The following CLCN3 variants were observed in gnomAD, a reference collection of about 807,000 sequenced individuals.
CLCN3 encodes H(+)/Cl(-) exchange transporter 3.
Under a neutral mutation model 83.4 loss-of-function variants are expected in CLCN3, and 16 were observed. The ratio of observed to expected loss-of-function variants is 0.19; its 90% CI spans 0.13 to 0.29. CLCN3 has a LOEUF of 0.29. Ranked by LOEUF, CLCN3 falls within the 10% of genes least tolerant of loss-of-function variation. The pLI is 1.00. For synonymous variants in CLCN3, 322 were observed against 346.2 expected, an observed-to-expected ratio of 0.93 and a Z score of 0.78; for missense variants, 544 against 1,006.0, an observed-to-expected ratio of 0.54 and a Z score of 6.21.
chr4:169,713,416 G>C, intron 12 of CLCN3, 121 bp downstream of exon 12: 1 of 694,700 alleles, frequency 1.4e-6, no homozygotes. Context: ...TCTGTCCTAT[G>C]GTATAGTCAC....
intron 2 of CLCN3, among the ~76,000 whole-genome samples, chr4:169,637,455 C>T (rs1327464449): frequency 6.6e-6 from 1 of 151,954 alleles, no homozygotes; most frequent in Non-Finnish European, 1.5e-5. Context: ...GAGTTTGAGA[C>T]CAACCTGGGC....
chr4:169,694,794 A>C (rs1209456759), intron 7 of CLCN3, among the ~76,000 whole-genome samples: 1 of 152,144 alleles, frequency 6.6e-6, no homozygotes, highest in Non-Finnish European at 1.5e-5. Context: ...AGCTGAGACG[A>C]CGCCATTGCA....
chr4:169,632,078 C>T (rs1291253802), intron 1 of CLCN3, among the ~76,000 whole-genome samples: 1 of 152,108 alleles, frequency 6.6e-6, no homozygotes, highest in East Asian at 1.9e-4. Flanking sequence ...CACCCCGATA[C>T]CAAAACCTGG....
intron 2 of CLCN3, among the ~76,000 whole-genome samples, chr4:169,669,648 T>C (rs962057704): frequency 6.6e-6 from 1 of 152,232 alleles, no homozygotes; most frequent in Non-Finnish European, 1.5e-5. Context: ...TGATCTTACC[T>C]GTATCTCACT....
intron 11 of CLCN3, among the ~76,000 whole-genome samples, chr4:169,708,024 A>C (rs1005932309): frequency 8.5e-5 from 13 of 152,176 alleles, no homozygotes; most frequent in African/African-American, 2.9e-4. Context: ...CTCTTCCTCC[A>C]ACCCCTAAAA....
chr4:169,630,275 T>C (rs2150198548), intron 1 of CLCN3, among the ~76,000 whole-genome samples: 1 of 152,344 alleles, frequency 6.6e-6, no homozygotes, highest in East Asian at 1.9e-4. Context: ...AGCCCTTGCT[T>C]CCTTCCCTAC....
intron 3 of CLCN3, among the ~76,000 whole-genome samples, chr4:169,682,195 A>C (rs1731967831): frequency 6.6e-6 from 1 of 152,162 alleles, no homozygotes; most frequent in Non-Finnish European, 1.5e-5. Context: ...ATTTATGTGG[A>C]TCTTTTAAAT....
intron 2 of CLCN3, among the ~76,000 whole-genome samples, chr4:169,675,594 A>T (rs541037713): frequency 6.6e-6 from 1 of 152,278 alleles, no homozygotes; most frequent in South Asian, 2.1e-4. Flanking sequence ...CCTCTGAGTA[A>T]TTTTTGGCAT....
intron 2 of CLCN3, among the ~76,000 whole-genome samples, chr4:169,671,284 C>T (rs558232565): frequency 3.3e-5 from 5 of 152,136 alleles, no homozygotes; most frequent in Non-Finnish European, 7.4e-5. Flanking sequence ...AGAATGAGAT[C>T]GTGTCCTTTG....
chr4:169,659,781 G>C (rs1173239480), intron 2 of CLCN3, among the ~76,000 whole-genome samples: 1 of 151,716 alleles, frequency 6.6e-6, no homozygotes, highest in South Asian at 2.1e-4. Flanking sequence ...TTGGCATATT[G>C]TAGTTTTTTT....
chr4:169,660,736 A>C (rs1345093254), intron 2 of CLCN3, among the ~76,000 whole-genome samples: 1 of 152,220 alleles, frequency 6.6e-6, no homozygotes, highest in Non-Finnish European at 1.5e-5. Context: ...ATCTGCTTTT[A>C]CAGCCAACTA....
chr4:169,636,039 C>G lies in CLCN3; in HGVS notation c.111C>G (p.Asp37Glu). The change falls in exon 2 of 13, where the codon GAC becomes GAG. Residue 37 changes from aspartate (D) to glutamate (E), a missense_variant. By Grantham distance (45) the Asp-to-Glu change is conservative. Around this residue, in one of 6 missense-constraint regions of CLCN3, gnomAD observed 77 missense variants for 92.8 expected, o/e 0.83. Transcript: ENST00000513761. ...TAGATGGAGCAGGTGTTATTATGGA[C>G]TTTCAAACATCTGAAGATGACAATT... Reference protein sequence around the residue: ...ELLDGAGVIMDFQTSEDDNLL... With the variant: ...ELLDGAGVIMEFQTSEDDNLL... 1 of 1,613,214 alleles carries G rather than the reference C, an allele frequency of 6.2e-7. No homozygotes were observed. Among genetic ancestry groups the G allele is most frequent in the Non-Finnish European group, 8.5e-7 (1 of 1,179,516 alleles).
chr4:169,655,850 C>T (rs1358129880), intron 2 of CLCN3, among the ~76,000 whole-genome samples: 2 of 152,146 alleles, frequency 1.3e-5, no homozygotes, highest in South Asian at 2.1e-4. Context: ...ATTTTTATTC[C>T]TGTGATATGT....
intron 2 of CLCN3, among the ~76,000 whole-genome samples, chr4:169,672,220 T>TGATAGACAGATAGATA (rs1553968504): frequency 6.9e-6 from 1 of 145,496 alleles, no homozygotes; most frequent in Non-Finnish European, 1.5e-5. Context: ...TCAAAATAAA[T>TGATAGACAGATAGATA]GATAGATAGA....
chr4:169,679,365 G>A (rs1200574720), intron 2 of CLCN3, among the ~76,000 whole-genome samples: 2 of 150,786 alleles, frequency 1.3e-5, no homozygotes, highest in Non-Finnish European at 1.5e-5. Context: ...TCACTTCCTA[G>A]ATGGGATGGC....
chr4:169,673,158 A>G (rs1317237959), intron 2 of CLCN3, among the ~76,000 whole-genome samples: 2 of 152,184 alleles, frequency 1.3e-5, no homozygotes, highest in Non-Finnish European at 2.9e-5. Flanking sequence ...TCTTTATACT[A>G]TTCAGATTTG....
At chr4:169,623,758 C>G (rs1773163846) in intron 1 of CLCN3, among the ~76,000 whole-genome samples, 2 of 151,976 alleles carry the variant, frequency 1.3e-5, no homozygotes, top group South Asian at 4.2e-4. Flanking sequence ...TATGTGAGAT[C>G]ATGCAGTATT....
intron 2 of CLCN3, among the ~76,000 whole-genome samples, chr4:169,637,133 C>CATAAATCATG (rs1730234454): frequency 6.6e-6 from 1 of 152,026 alleles, no homozygotes; most frequent in Non-Finnish European, 1.5e-5. Flanking sequence ...GTTTAAATGC[C>CATAAATCATG]TTTTTGTGTG....
In CLCN3 at chr4:169,669,443, T is replaced by G. The variant is rs1426749110; in HGVS notation, c.161-10607T>G. ...GTTTGAGGCTACAGTGAGCTATGTT[T>G]CCACCACTGCTTTCCAGCCTAGGTG... On this transcript the variant is annotated intron_variant, in intron 2 of 12. Transcript: ENST00000513761. 6.6e-5 allele frequency among the ~76,000 whole-genome samples: 10 copies of G among 152,212 alleles called. No individual in the cohort carries two copies. The East Asian group carries it at 1.9e-3, about 29-fold the overall frequency.
Sources: gnomAD v4.1 joint callset for allele counts (sites outside exome capture counted in the v4.1 genomes callset) on GRCh38, gnomAD v4.1.1 for gene constraint, gnomAD v4.1.1 regional missense constraint, MANE v1.5 for transcripts, NCBI Gene and HGNC (gene_info 2026-07-23, HGNC 2026-07-21) for gene names.